Variants in C4orf51 observed in about 807,000 individuals in gnomAD.
C4orf51 encodes the protein chromosome 4 open reading frame 51.
In C4orf51, 25 loss-of-function variants were observed where a neutral mutation model predicts 25.2. That is an observed-to-expected ratio of 0.99 (90% CI 0.72 to 1.39). The LOEUF (loss-of-function observed/expected upper bound fraction) is 1.39. Among genes scored for constraint, C4orf51 ranks in the 40% most tolerant of loss-of-function variants. The pLI, the probability that C4orf51 is intolerant of heterozygous loss-of-function variation, is 0.00. For synonymous variants in C4orf51, 100 were observed against 84.5 expected (o/e 1.18, Z -1.01); for missense variants, 252 against 239.6 (o/e 1.05, Z -0.34).
At chr4:145,692,940 TATTAA>T (rs1729684062) in intron 1 of C4orf51, among the ~76,000 whole-genome samples, 1 of 146,576 alleles carries the variant, frequency 6.8e-6, no homozygotes, top group Admixed American at 6.9e-5. Flanking sequence ...ACTCCGCTGA[TATTAA>T]GTTTTTAGTT....
intron 1 of C4orf51, among the ~76,000 whole-genome samples, chr4:145,685,659 G>C (rs902739619): frequency 3.9e-5 from 6 of 152,184 alleles, no homozygotes; most frequent in Admixed American, 2.0e-4. Context: ...TAACCGATTA[G>C]GTCAGTGGTC....
chr4:145,771,337 G>A (rs1422777833), downstream of C4orf51, among the ~76,000 whole-genome samples: 1 of 152,148 alleles, frequency 6.6e-6, no homozygotes, highest in Non-Finnish European at 1.5e-5. Context: ...AGCTCTGGAA[G>A]CTTGATAAAT....
At chr4:145,787,765 G>C in the C4orf51 span, among the ~76,000 whole-genome samples, 1 of 152,102 alleles carries the variant, frequency 6.6e-6, no homozygotes, top group East Asian at 1.9e-4. Context: ...CAGAGCATTA[G>C]ATCAAGTAGA....
chr4:145,779,238 A>T, the C4orf51 span: 1 of 1,190,682 alleles, frequency 8.4e-7, no homozygotes, highest in Non-Finnish European at 1.1e-6. Context: ...TAAACATGCC[A>T]GAGAAAATGG....
intron 2 of C4orf51, among the ~76,000 whole-genome samples, chr4:145,697,668 A>G (rs1730160056): frequency 1.3e-5 from 2 of 152,324 alleles, no homozygotes; most frequent in South Asian, 4.1e-4. Context: ...AGGTGCATCC[A>G]TGTTGTCACA....
chr4:145,729,287 T>G (rs1359278792), intron 4 of C4orf51, 58 bp downstream of exon 4: 22 of 805,602 alleles, frequency 2.7e-5, no homozygotes, highest in Non-Finnish European at 3.7e-5. Context: ...ATTTTAATCG[T>G]GGTCATGTGA....
Position 145,765,208 on chromosome 4 carries a change from G to C in C4orf51, n.167-5780G>C. 6.5e-7 allele frequency: 1 copy of C among 1,539,384 alleles called. No individual in the cohort carries two copies. On this transcript the variant is annotated intron_variant and non_coding_transcript_variant, in intron 1 of 1. Coordinates refer to the C4orf51 transcript ENST00000510096. The surrounding 1 kb of genome is among the most constrained non-coding windows in gnomAD (Gnocchi z 4.7). ...GGGTATAGAGGTGCACAGGGCAGCGGGGAGAGGAGGGCAGGAGTGGAGCCA... is the reference window on the plus strand; with the variant it reads ...GGGTATAGAGGTGCACAGGGCAGCGCGGAGAGGAGGGCAGGAGTGGAGCCA...
the C4orf51 span, among the ~76,000 whole-genome samples, chr4:145,790,728 C>T: frequency 8.5e-5 from 13 of 152,338 alleles, no homozygotes; most frequent in East Asian, 2.3e-3. Flanking sequence ...AAGCCCTTAT[C>T]AGCTCCCAGA....
chr4:145,683,273 G>A (rs1728943746), intron 1 of C4orf51, among the ~76,000 whole-genome samples: 1 of 152,112 alleles, frequency 6.6e-6, no homozygotes, highest in South Asian at 2.1e-4. Context: ...CAAATGGAGA[G>A]ATTTTTCCAT....
At chr4:145,687,958 T>C (rs907234974) in intron 1 of C4orf51, among the ~76,000 whole-genome samples, 2 of 152,014 alleles carry the variant, frequency 1.3e-5, no homozygotes, top group Admixed American at 6.6e-5. Flanking sequence ...AATTAAAAAG[T>C]TAGTGCTTAC....
At chr4:145,727,738 C>T (rs561463448) in intron 3 of C4orf51, among the ~76,000 whole-genome samples, 4 of 149,276 alleles carry the variant, frequency 2.7e-5, no homozygotes, top group South Asian at 2.1e-4. Flanking sequence ...CAAAATTAGC[C>T]GGGCATGATG....
chr4:145,791,607 T>TA, the C4orf51 span, among the ~76,000 whole-genome samples: 1 of 152,228 alleles, frequency 6.6e-6, no homozygotes, highest in Admixed American at 6.5e-5. Flanking sequence ...ATCTCTATTA[T>TA]ATCATTCTCA....
At chr4:145,705,560 G>A (rs1256851267) in intron 2 of C4orf51, among the ~76,000 whole-genome samples, 5 of 152,094 alleles carry the variant, frequency 3.3e-5, no homozygotes, top group Non-Finnish European at 7.4e-5. Flanking sequence ...AGGGGTGGTA[G>A]TGATTGTTCT....
At chr4:145,779,869 A>C in the C4orf51 span, among the ~76,000 whole-genome samples, 320 of 152,364 alleles carry the variant, frequency 2.1e-3, 1 homozygote, top group African/African-American at 7.2e-3. Context: ...AATTCCAGAA[A>C]TGTAGGCTCT....
At position 145,684,398 on chromosome 4, in the gene C4orf51, C is replaced by T. The variant is rs558509957; in HGVS notation, c.233+3962C>T. Among the ~76,000 whole-genome samples the T allele has an allele frequency of 3.7e-3, 569 of 152,196 alleles. 2 individuals carry two copies. The highest frequency in any genetic ancestry group is 5.0e-3 in the Non-Finnish European group (341 of 68,008). Reference sequence around the variant, plus strand: ...TCAGGAGGCTGAGGCAGGAGAATGGCGTGAACCCAGGAGGCGGAGCTTGCA... The same window carrying T: ...TCAGGAGGCTGAGGCAGGAGAATGGTGTGAACCCAGGAGGCGGAGCTTGCA... On this transcript the variant is annotated intron_variant, in intron 1 of 5. Transcript: ENST00000438731.
chr4:145,695,807 T>C (rs1578940153), intron 1 of C4orf51, among the ~76,000 whole-genome samples: 1 of 152,190 alleles, frequency 6.6e-6, no homozygotes, highest in African/African-American at 2.4e-5. Flanking sequence ...GGGGTACATA[T>C]ACATCATGAA....
chr4:145,727,922 T>TATATATATATATAA (rs1234382844), intron 3 of C4orf51, among the ~76,000 whole-genome samples: 1 of 96,944 alleles, frequency 1.0e-5, no homozygotes, highest in African/African-American at 5.1e-5. Flanking sequence ...TATATATATA[T>TATATATATATATAA]AAAATATATT....
At chr4:145,690,332 C>CGTCTCTACTA (rs1300879698) in intron 1 of C4orf51, among the ~76,000 whole-genome samples, 1 of 150,978 alleles carries the variant, frequency 6.6e-6, no homozygotes, top group African/African-American at 2.4e-5. Context: ...GGTGAAACCT[C>CGTCTCTACTA]GTCTCTACTA....
chr4:145,774,367 T>C, downstream of C4orf51: 1 of 926,764 alleles, frequency 1.1e-6, no homozygotes, highest in South Asian at 1.7e-5. Flanking sequence ...GTGGCTTTCA[T>C]GCCTTGGGAA....
Sources: gnomAD v4.1 joint callset for allele counts (sites outside exome capture counted in the v4.1 genomes callset) on GRCh38, gnomAD v4.1.1 for gene constraint, Gnocchi (gnomAD v3.1) non-coding constraint, MANE v1.5 for transcripts, NCBI Gene and HGNC (gene_info 2026-07-23, HGNC 2026-07-21) for gene names.